Variants in MAML2 observed in about 807,000 individuals in gnomAD.
MAML2 encodes the protein mastermind-like protein 2.
MAML2 carries 22 observed loss-of-function variants against 96.1 expected under a neutral mutation model. The ratio of observed to expected loss-of-function variants is 0.23; its 90% CI spans 0.16 to 0.33. The LOEUF (loss-of-function observed/expected upper bound fraction) is 0.33, where lower values mean the gene tolerates loss of function less well. MAML2 is among the 10% of genes least tolerant of loss of function. The probability of loss-of-function intolerance (pLI) is 1.00; values close to 1 mark genes in which losing one functional copy is unlikely to be tolerated. For synonymous variants in MAML2, 561 were observed against 521.3 expected (o/e 1.08, Z -1.04); for missense variants, 1,367 against 1,392.4 (o/e 0.98, Z 0.29).
At chr11:96,172,605 C>T (rs915167737) in intron 1 of MAML2, among the ~76,000 whole-genome samples, 3 of 152,146 alleles carry the variant, frequency 2.0e-5, no homozygotes, top group East Asian at 1.9e-4. Flanking sequence ...GAAATGTTGC[C>T]CTTGAAATCA....
Position 95,976,821 on chromosome 11 carries a change from T to C in MAML2, c.*2127A>G. ...TATATACAGTAACATGGAGGAGCCA[T>C]ACAACAAAAGCGTTTATATGTACAT... is the stretch of plus-strand genomic sequence containing the variant. On this transcript the variant is annotated 3_prime_UTR_variant, in exon 5 of 5. Transcript: ENST00000524717. 1 of 186,508 alleles carries C rather than the reference T, an allele frequency of 5.4e-6. No individual in the cohort carries two copies. Among genetic ancestry groups the C allele is most frequent in the Non-Finnish European group, 1.1e-5 (1 of 88,158 alleles). The allele number at this position is 186,508 out of a possible 1,614,324, so 11.6% of individuals were successfully genotyped here.
At chr11:96,267,638 T>C (rs989383466) in intron 1 of MAML2, among the ~76,000 whole-genome samples, 1 of 152,210 alleles carries the variant, frequency 6.6e-6, no homozygotes, top group African/African-American at 2.4e-5. Flanking sequence ...AAAAATTCTA[T>C]GTAGGGGTAA....
rs542802095 is a variant in MAML2, at chr11:96,255,072, C to T, written c.513+86311G>A. ...TCCTGGGCTCAAGCGATCCGCCCAC[C>T]GCCTGCCATGGCCTCCCAGAGTGCT... On this transcript the variant is annotated intron_variant, in intron 1 of 4. Coordinates refer to ENST00000524717, the MANE Select transcript of MAML2 (RefSeq NM_032427.4). Among the ~76,000 whole-genome samples, 296 of 152,276 alleles carry T rather than the reference C, an allele frequency of 1.9e-3. 2 individuals are homozygous for T. The highest frequency in any genetic ancestry group is 6.9e-3 in the African/African-American group (288 of 41,544).
intron 1 of MAML2, among the ~76,000 whole-genome samples, chr11:96,137,150 G>GTC (rs1860648776): frequency 6.6e-6 from 1 of 152,182 alleles, no homozygotes; most frequent in African/African-American, 2.4e-5. Flanking sequence ...GGTTAAAAGG[G>GTC]AAGGAAATGT....
At chr11:96,166,364 G>T (rs941589557) in intron 1 of MAML2, among the ~76,000 whole-genome samples, 1 of 152,178 alleles carries the variant, frequency 6.6e-6, no homozygotes, top group African/African-American at 2.4e-5. Flanking sequence ...TGTTTGTTTA[G>T]CTAATTTTAA....
At chr11:96,117,170 A>T (rs1386395780) in intron 1 of MAML2, among the ~76,000 whole-genome samples, 2 of 152,218 alleles carry the variant, frequency 1.3e-5, no homozygotes, top group Non-Finnish European at 2.9e-5. Context: ...AAATAAAAAA[A>T]ATATGGAAGT....
chr11:96,171,526 T>G (rs1047125077), intron 1 of MAML2, among the ~76,000 whole-genome samples: 1 of 152,216 alleles, frequency 6.6e-6, no homozygotes, highest in Non-Finnish European at 1.5e-5. Flanking sequence ...ATAAATACAT[T>G]TTTAATATAT....
At chr11:96,309,437 A>G (rs193124669) in intron 1 of MAML2, among the ~76,000 whole-genome samples, 151 of 152,332 alleles carry the variant, frequency 9.9e-4, no homozygotes, top group Middle Eastern at 3.4e-3. Context: ...ACCCAGTAGC[A>G]GGATTGCTAA....
chr11:96,200,169 C>A (rs918164187), intron 1 of MAML2, among the ~76,000 whole-genome samples: 6 of 152,132 alleles, frequency 3.9e-5, no homozygotes, highest in Admixed American at 3.3e-4. Context: ...GAAAGATTAG[C>A]CACAATAAAA....
intron 1 of MAML2, among the ~76,000 whole-genome samples, chr11:96,234,802 T>A (rs185859377): frequency 2.0e-5 from 3 of 152,352 alleles, no homozygotes; most frequent in Admixed American, 2.0e-4. Flanking sequence ...TAACTTCTGT[T>A]AAGCCACAAC....
rs1282577573 is a variant in MAML2 at position 96,240,561 on chromosome 11, A to C, written c.513+100822T>G. ...CGACAGAGCGAGACTCCGTCTCAAA[A>C]AAAAAAAAAAAAAAAAAAAAAAGAA... On this transcript the variant is annotated intron_variant, in intron 1 of 4. Coordinates refer to ENST00000524717, the MANE Select transcript of MAML2 (RefSeq NM_032427.4). 1.1e-3 allele frequency among the ~76,000 whole-genome samples: 150 copies of C among 133,318 alleles called. 3 individuals are homozygous for C. The highest frequency in any genetic ancestry group is 1.3e-3 in the Non-Finnish European group (83 of 64,846). The allele number at this position is 133,318 out of a possible 152,430, so 87.5% of individuals were successfully genotyped here.
chr11:96,271,418 G>T (rs562308968), intron 1 of MAML2, among the ~76,000 whole-genome samples: 66 of 152,284 alleles, frequency 4.3e-4, no homozygotes, highest in African/African-American at 1.5e-3. Flanking sequence ...GGACTGGAAT[G>T]ATATAGTTTG....
chr11:96,074,220 G>T (rs979734716), intron 2 of MAML2, among the ~76,000 whole-genome samples: 2 of 152,328 alleles, frequency 1.3e-5, no homozygotes, highest in Admixed American at 1.3e-4. Context: ...AGGCAGAGTG[G>T]CTAACTGCTT....
At chr11:95,999,141 C>A (rs1027983010) in intron 2 of MAML2, among the ~76,000 whole-genome samples, 6 of 152,170 alleles carry the variant, frequency 3.9e-5, no homozygotes, top group African/African-American at 9.7e-5. Flanking sequence ...CACCACTAAC[C>A]TTTTCTTTAA....
At chr11:96,176,539 G>A (rs2135905832) in intron 1 of MAML2, among the ~76,000 whole-genome samples, 1 of 152,222 alleles carries the variant, frequency 6.6e-6, no homozygotes, top group Admixed American at 6.5e-5. Flanking sequence ...GCTTTTGGAT[G>A]GGGCACAGAG....
chr11:96,036,455 G>A (rs972372382), intron 2 of MAML2, among the ~76,000 whole-genome samples: 1 of 152,134 alleles, frequency 6.6e-6, no homozygotes, highest in South Asian at 2.1e-4. Flanking sequence ...CACCATTCCT[G>A]ACTCAGAGCC....
intron 2 of MAML2, among the ~76,000 whole-genome samples, chr11:96,068,803 C>G (rs1240846783): frequency 3.4e-5 from 5 of 146,666 alleles, no homozygotes. Context: ...GCACTCCAGC[C>G]TGGGCGACAG....
At chr11:96,283,811 T>C (rs1022418308) in intron 1 of MAML2, among the ~76,000 whole-genome samples, 3 of 152,236 alleles carry the variant, frequency 2.0e-5, no homozygotes, top group Non-Finnish European at 2.9e-5. Context: ...CTCTGCTTTA[T>C]AAAAGTGGTT....
rs1186071058 is a variant in MAML2 at position 95,991,602 on chromosome 11, A to G, written c.2261T>C (p.Met754Thr). The change falls in exon 3 of 5, where the codon ATG becomes ACG. Residue 754 changes from methionine (M) to threonine (T), a missense_variant. Transcript: ENST00000524717. ...CCTCTGTAGAGTCTGCTTCTTTCCC[A>G]TCAATTGCTGATTCAACAGTGATTG... ...SQQSLLNQQL[M>T]GKKQTLQRQI... The G allele has an allele frequency of 6.2e-7, 1 of 1,613,766 alleles. No homozygotes were observed. The highest frequency in any genetic ancestry group is 8.5e-7 in the Non-Finnish European group (1 of 1,179,740).
Sources: allele counts gnomAD v4.1 joint callset (sites outside exome capture counted in the v4.1 genomes callset), GRCh38; gene constraint gnomAD v4.1.1; transcripts MANE v1.5; gene names NCBI Gene and HGNC (gene_info 2026-07-23, HGNC 2026-07-21).